GRID2: variants seen among roughly 807,000 people sequenced by gnomAD.
GRID2 encodes glutamate ionotropic receptor delta type subunit 2.
In GRID2, 33 loss-of-function variants were observed where a neutral mutation model predicts 114.8. The ratio of observed to expected loss-of-function variants is 0.29; its 90% CI spans 0.22 to 0.38. The LOEUF is 0.38. Among genes scored for constraint, GRID2 ranks in the 10% least tolerant of loss-of-function variants. The pLI, the probability that GRID2 is intolerant of heterozygous loss-of-function variation, is 1.00. For synonymous variants in GRID2, 505 were observed against 449.9 expected (o/e 1.12, Z -1.55); for missense variants, 1,184 against 1,257.7 (o/e 0.94, Z 0.89).
intron 8 of GRID2, among the ~76,000 whole-genome samples, chr4:93,300,382 T>A (rs969996935): frequency 1.6e-4 from 24 of 152,216 alleles, no homozygotes; most frequent in African/African-American, 5.8e-4. Flanking sequence ...TAATGTTCAC[T>A]ATTTCTTCAA....
intron 1 of GRID2, among the ~76,000 whole-genome samples, chr4:92,467,267 G>A (rs1370791579): frequency 6.6e-6 from 1 of 151,720 alleles, no homozygotes; most frequent in Non-Finnish European, 1.5e-5. Context: ...AAAGCAACTG[G>A]GTTATGTAGA....
intron 1 of GRID2, among the ~76,000 whole-genome samples, chr4:92,403,962 A>G (rs894371550): frequency 2.6e-5 from 4 of 152,162 alleles, no homozygotes; most frequent in Admixed American, 6.6e-5. Flanking sequence ...GACCAAAGCA[A>G]TGATAATAAA....
At chr4:93,463,477 C>A (rs563060207) in intron 11 of GRID2, among the ~76,000 whole-genome samples, 32 of 152,194 alleles carry the variant, frequency 2.1e-4, no homozygotes, top group South Asian at 6.2e-4. Flanking sequence ...TAAAAGAAAT[C>A]AAAGAACATG....
At chr4:93,547,500 T>A (rs532215472) in intron 13 of GRID2, among the ~76,000 whole-genome samples, 7 of 152,228 alleles carry the variant, frequency 4.6e-5, no homozygotes, top group African/African-American at 1.7e-4. Flanking sequence ...CTGAAATGTA[T>A]GCTCTTAGTG....
chr4:93,243,852 A>C (rs1255753435), intron 8 of GRID2, among the ~76,000 whole-genome samples: 1 of 152,080 alleles, frequency 6.6e-6, no homozygotes, highest in Non-Finnish European at 1.5e-5. Flanking sequence ...CATTGTATAT[A>C]CCCTTGAAGA....
chr4:93,032,743 G>C (rs1724551984), intron 2 of GRID2, among the ~76,000 whole-genome samples: 1 of 152,016 alleles, frequency 6.6e-6, no homozygotes, highest in East Asian at 1.9e-4. Context: ...TCATATTTAG[G>C]CTGAAAAGAT....
intron 14 of GRID2, among the ~76,000 whole-genome samples, chr4:93,676,412 G>C (rs1376552990): frequency 6.6e-6 from 1 of 152,144 alleles, no homozygotes; most frequent in East Asian, 1.9e-4. Flanking sequence ...GCATAGCTTA[G>C]ATAATTTAAT....
intron 12 of GRID2, among the ~76,000 whole-genome samples, chr4:93,496,802 A>C (rs1727591378): frequency 6.6e-6 from 1 of 151,824 alleles, no homozygotes; most frequent in Non-Finnish European, 1.5e-5. Context: ...TTATTGTTTC[A>C]AGTTTTGGGC....
intron 2 of GRID2, among the ~76,000 whole-genome samples, chr4:92,719,697 T>A (rs1735719595): frequency 6.6e-6 from 1 of 151,608 alleles, no homozygotes. Context: ...AAGATGTTGA[T>A]CTAGAGAAAT....
chr4:93,709,819 T>C (rs2110163297), intron 14 of GRID2, among the ~76,000 whole-genome samples: 1 of 152,302 alleles, frequency 6.6e-6, no homozygotes, highest in African/African-American at 2.4e-5. Context: ...TTCAAGCTCA[T>C]TCATTCTTTT....
At chr4:93,376,414 G>T (rs940581477) in intron 8 of GRID2, among the ~76,000 whole-genome samples, 1 of 151,780 alleles carries the variant, frequency 6.6e-6, no homozygotes, top group Non-Finnish European at 1.5e-5. Flanking sequence ...GGGGGATTCA[G>T]ACAGCACAAT....
intron 2 of GRID2, among the ~76,000 whole-genome samples, chr4:92,874,586 G>A (rs1479242745): frequency 6.6e-6 from 1 of 152,112 alleles, no homozygotes; most frequent in Non-Finnish European, 1.5e-5. Flanking sequence ...ACTTTTGAAA[G>A]CGAAGTATTA....
chr4:93,776,095 T>C (rs1578789097), downstream of GRID2, among the ~76,000 whole-genome samples: 1 of 152,232 alleles, frequency 6.6e-6, no homozygotes, highest in Non-Finnish European at 1.5e-5. Context: ...GAAGAGATTA[T>C]GTGCTGGTAA....
intron 2 of GRID2, among the ~76,000 whole-genome samples, chr4:92,932,950 G>A (rs1560715406): frequency 6.6e-6 from 1 of 151,120 alleles, no homozygotes; most frequent in South Asian, 2.1e-4. Flanking sequence ...TTGAAAAGGA[G>A]TGTATGGGAA....
intron 13 of GRID2, among the ~76,000 whole-genome samples, chr4:93,582,797 T>G (rs1374546115): frequency 6.6e-6 from 1 of 152,118 alleles, no homozygotes; most frequent in Non-Finnish European, 1.5e-5. Context: ...CTTAGGTTCT[T>G]TAAAGGGTGA....
At chr4:92,724,104 G>T (rs572554601) in intron 2 of GRID2, among the ~76,000 whole-genome samples, 1 of 152,138 alleles carries the variant, frequency 6.6e-6, no homozygotes, top group African/African-American at 2.4e-5. Context: ...AATGGTACAT[G>T]GTACTATAAG....
At chr4:92,692,991 C>A (rs1734247105) in intron 2 of GRID2, among the ~76,000 whole-genome samples, 2 of 150,236 alleles carry the variant, frequency 1.3e-5, no homozygotes, top group South Asian at 4.2e-4. Context: ...CCATTGTATT[C>A]CAGCCTGGGC....
At chr4:93,298,571 A>G (rs752426629) in intron 8 of GRID2, among the ~76,000 whole-genome samples, 3 of 152,358 alleles carry the variant, frequency 2.0e-5, no homozygotes, top group Non-Finnish European at 4.4e-5. Flanking sequence ...GGGTGGATAC[A>G]AACATTCATT....
In GRID2 at chr4:92,687,460, T is replaced by C. The variant is rs150284803; in HGVS notation, c.244+97174T>C. 8.5e-5 allele frequency among the ~76,000 whole-genome samples: 13 copies of C among 152,268 alleles called. No homozygotes were observed. The East Asian group carries it at 1.4e-3, about 16-fold the overall frequency. On this transcript the variant is annotated intron_variant, in intron 2 of 15. Coordinates refer to ENST00000282020, the MANE Select transcript of GRID2 (RefSeq NM_001510.4). ...AGCTTCCAAGTGAAAATAACACTTA[T>C]GTTTATGTGATACTGTAGTCTATTA... is the stretch of plus-strand genomic sequence containing the variant.
Sources: allele counts gnomAD v4.1 joint callset (sites outside exome capture counted in the v4.1 genomes callset), GRCh38; gene constraint gnomAD v4.1.1; transcripts MANE v1.5; gene names NCBI Gene and HGNC (gene_info 2026-07-23, HGNC 2026-07-21).